The following ALK variants were observed in gnomAD, a reference collection of about 807,000 sequenced individuals.
ALK encodes the protein ALK receptor tyrosine kinase.
A neutral mutation model predicts 163.1 loss-of-function variants in ALK; 74 were observed. The observed-to-expected ratio is 0.45, with a 90% CI of 0.38 to 0.55. The LOEUF is 0.55. Ranked by LOEUF, ALK falls within the 20% of genes least tolerant of loss-of-function variation. The pLI, the probability that ALK is intolerant of heterozygous loss-of-function variation, is 0.00. For synonymous variants in ALK, 960 were observed against 843.2 expected, an observed-to-expected ratio of 1.14 and a Z score of -2.40; for missense variants, 2,063 against 2,105.3, an observed-to-expected ratio of 0.98 and a Z score of 0.39.
chr2:29,775,369 T>G (rs2148346966), intron 1 of ALK, among the ~76,000 whole-genome samples: 1 of 152,332 alleles, frequency 6.6e-6, no homozygotes, highest in Middle Eastern at 3.4e-3. Flanking sequence ...CTTGTTATTT[T>G]GCTAACCAAA....
intron 3 of ALK, among the ~76,000 whole-genome samples, chr2:29,599,181 C>G (rs1675306546): frequency 6.8e-6 from 1 of 146,532 alleles, no homozygotes; most frequent in South Asian, 2.1e-4. Flanking sequence ...AAATATCTGA[C>G]TCTGCAAAAA....
intron 3 of ALK, among the ~76,000 whole-genome samples, chr2:29,665,838 C>G (rs1435988964): frequency 1.3e-5 from 2 of 151,098 alleles, no homozygotes; most frequent in Non-Finnish European, 3.0e-5. Flanking sequence ...TTTTTTTTTT[C>G]ATTAAAGCAC....
At chr2:29,302,203 G>C (rs1969528) in intron 8 of ALK, among the ~76,000 whole-genome samples, 136,238 of 152,218 alleles carry the variant, frequency 0.9, 62,168 homozygotes, top group Non-Finnish European at 0.99. Context: ...TTCAGAGCTA[G>C]GAACAAATAG....
At chr2:29,705,235 AAAGAAATATATATATATATATATATATAT>A (rs1350626801) in intron 2 of ALK, among the ~76,000 whole-genome samples, 1 of 114,146 alleles carries the variant, frequency 8.8e-6, no homozygotes, top group African/African-American at 3.1e-5. Flanking sequence ...AAAGAAAAGA[AAAGAAATATATATATATATATATATATAT>A]ATATATATAT....
intron 4 of ALK, among the ~76,000 whole-genome samples, chr2:29,479,623 T>G (rs1297861230): frequency 6.6e-6 from 1 of 152,224 alleles, no homozygotes; most frequent in African/African-American, 2.4e-5. Flanking sequence ...GTTTGCATTT[T>G]CTTCATGTAT....
chr2:29,413,390 A>C (rs1205022635), intron 4 of ALK, among the ~76,000 whole-genome samples: 1 of 151,880 alleles, frequency 6.6e-6, no homozygotes, highest in Non-Finnish European at 1.5e-5. Flanking sequence ...TCTGTTGCCC[A>C]GGCTGAAGTG....
At chr2:29,910,837 G>C (rs1667681127) in intron 1 of ALK, among the ~76,000 whole-genome samples, 1 of 152,074 alleles carries the variant, frequency 6.6e-6, no homozygotes, top group Non-Finnish European at 1.5e-5. Context: ...AAATATTAAA[G>C]GCTAAAGGAA....
chr2:29,445,583 G>T (rs191872082), intron 4 of ALK, among the ~76,000 whole-genome samples: 2 of 151,990 alleles, frequency 1.3e-5, no homozygotes, highest in Admixed American at 6.6e-5. Context: ...GAGGCCGAGG[G>T]GGGTGGATCA....
At chr2:29,499,655 C>A (rs936695705) in intron 4 of ALK, among the ~76,000 whole-genome samples, 1 of 152,134 alleles carries the variant, frequency 6.6e-6, no homozygotes, top group Non-Finnish European at 1.5e-5. Context: ...ATTGCTCAGG[C>A]TGAAAATCCA....
At chr2:29,756,533 T>TC (rs1393525925) in intron 1 of ALK, among the ~76,000 whole-genome samples, 1 of 151,366 alleles carries the variant, frequency 6.6e-6, no homozygotes, top group East Asian at 1.9e-4. Context: ...TCATTGATTT[T>TC]TTTTTTTTTT....
chr2:29,508,975 A>G (rs544758125), intron 4 of ALK, among the ~76,000 whole-genome samples: 6 of 152,192 alleles, frequency 3.9e-5, no homozygotes, highest in Non-Finnish European at 8.8e-5. Flanking sequence ...TTCAGTGTGT[A>G]TTTTTATTTT....
At chr2:29,738,438 G>A (rs748129013) in intron 1 of ALK, among the ~76,000 whole-genome samples, 4 of 151,942 alleles carry the variant, frequency 2.6e-5, no homozygotes, top group Non-Finnish European at 5.9e-5. Flanking sequence ...TTATGAGCCC[G>A]CTGGGAAAAT....
intron 1 of ALK, among the ~76,000 whole-genome samples, chr2:29,825,967 G>A (rs576892989): frequency 6.6e-5 from 10 of 152,294 alleles, no homozygotes; most frequent in African/African-American, 2.2e-4. Context: ...CTGGTAGCAT[G>A]ACTGACAGTG....
chr2:29,370,461 C>T (rs1003548611), intron 5 of ALK, among the ~76,000 whole-genome samples: 20 of 152,164 alleles, frequency 1.3e-4, no homozygotes, highest in African/African-American at 4.3e-4. Context: ...TTGGGCTGCC[C>T]GTCCCTGTAG....
intron 4 of ALK, among the ~76,000 whole-genome samples, chr2:29,525,817 A>G (rs1672945183): frequency 7.2e-6 from 1 of 138,092 alleles, no homozygotes; most frequent in African/African-American, 2.6e-5. Context: ...AAAAAAAAAG[A>G]TGAGACTCAA....
rs554014909 is a variant in ALK at position 29,545,709 on chromosome 2, T to C, written c.953-13593A>G. On this transcript the variant is annotated intron_variant, in intron 3 of 28. Coordinates refer to ENST00000389048, the MANE Select transcript of ALK (RefSeq NM_004304.5). ...TTACTCTCCACCACCAGGACTTACA[T>C]GTATTGCTTTTCTGCACCTTCATTC... Among the ~76,000 whole-genome samples the C allele has an allele frequency of 1.1e-4, 17 of 152,324 alleles. No homozygotes were observed. The East Asian group carries it at 2.7e-3, about 24-fold the overall frequency.
intron 1 of ALK, among the ~76,000 whole-genome samples, chr2:29,734,588 A>T (rs994554736): frequency 1.3e-5 from 2 of 152,150 alleles, no homozygotes; most frequent in Non-Finnish European, 2.9e-5. Context: ...AAAAATAATT[A>T]CAAAACAAAG....
At chr2:29,351,535 C>T (rs778670992) in intron 5 of ALK, among the ~76,000 whole-genome samples, 33 of 152,340 alleles carry the variant, frequency 2.2e-4, no homozygotes, top group Admixed American at 3.9e-4. Context: ...CCAGCCACCA[C>T]AGATCGAGCC....
intron 2 of ALK, among the ~76,000 whole-genome samples, chr2:29,707,947 T>C (rs1321695822): frequency 6.6e-6 from 1 of 152,194 alleles, no homozygotes; most frequent in Admixed American, 6.5e-5. Context: ...GAATCAGAGC[T>C]GGGAATTCAT....
Sources: gnomAD v4.1 joint callset for allele counts (sites outside exome capture counted in the v4.1 genomes callset) on GRCh38, gnomAD v4.1.1 for gene constraint, MANE v1.5 for transcripts, NCBI Gene and HGNC (gene_info 2026-07-23, HGNC 2026-07-21) for gene names.